TNRC6B: variants seen among roughly 807,000 people sequenced by gnomAD.
TNRC6B encodes the protein trinucleotide repeat containing adaptor 6B.
A neutral mutation model predicts 203.6 loss-of-function variants in TNRC6B; 52 were observed. That is an observed-to-expected ratio of 0.26 (90% CI 0.20 to 0.32). The LOEUF is 0.32. Ranked by LOEUF, TNRC6B falls within the 10% of genes least tolerant of loss-of-function variation. The pLI is 1.00. For missense variants in TNRC6B, 1,923 were observed against 2,286.2 expected, an observed-to-expected ratio of 0.84 and a Z score of 3.24; for synonymous variants, 838 against 845.7, an observed-to-expected ratio of 0.99 and a Z score of 0.16.
intron 1 of TNRC6B, among the ~76,000 whole-genome samples, chr22:40,188,802 G>T (rs1043551394): frequency 6.6e-6 from 1 of 152,164 alleles, no homozygotes. Flanking sequence ...ACATGTGAAT[G>T]TTTATGCTGA....
At chr22:40,113,201 T>C (rs936342864) in intron 1 of TNRC6B, among the ~76,000 whole-genome samples, 23 of 152,198 alleles carry the variant, frequency 1.5e-4, no homozygotes, top group Non-Finnish European at 2.5e-4. Context: ...TTTTTAGGAA[T>C]GGACAGACAG....
At chr22:40,185,981 A>G (rs979102386) in intron 1 of TNRC6B, among the ~76,000 whole-genome samples, 5 of 152,164 alleles carry the variant, frequency 3.3e-5, no homozygotes, top group African/African-American at 9.7e-5. Flanking sequence ...GGACTTGGCA[A>G]TGGAACTGGT....
chr22:40,058,770 A>G (rs1435822937), intron 1 of TNRC6B, among the ~76,000 whole-genome samples: 2 of 151,986 alleles, frequency 1.3e-5, no homozygotes, highest in East Asian at 3.9e-4. Context: ...ATTCTGACAC[A>G]TTGAATCTGG....
intron 3 of TNRC6B, chr22:40,125,982 CTAACA>C (rs2068489548): frequency 1.2e-5 from 12 of 970,946 alleles, no homozygotes; most frequent in East Asian, 2.8e-5. Flanking sequence ...AAATTAGAAC[CTAACA>C]TAAGATTGAG....
rs936374925 is a variant in TNRC6B at position 40,281,263 on chromosome 22, A to C, written c.3556A>C (p.Asn1186His). 1.2e-5 allele frequency: 19 copies of C among 1,546,464 alleles called. No homozygotes were observed. Among genetic ancestry groups the C allele is most frequent in the Non-Finnish European group, 1.6e-5 (18 of 1,144,774 alleles). ...VSLGAIGTGL[N>H]PQNFAARQGG... ...CCTTGGAGCAATCGGCACAGGGCTC[A>C]ACCCCCAAAACTTCGCTGCTAGACA... The change falls in exon 11 of 23, where the codon AAC becomes CAC. Residue 1186 changes from asparagine (N) to histidine (H), a missense_variant. Coordinates refer to ENST00000454349, the MANE Select transcript of TNRC6B (RefSeq NM_001162501.2).
intron 1 of TNRC6B, among the ~76,000 whole-genome samples, chr22:40,099,253 C>G (rs1416964579): frequency 1.5e-5 from 2 of 132,014 alleles, no homozygotes; most frequent in African/African-American, 6.5e-5. Flanking sequence ...GACTCTGTCT[C>G]GAAAAAAAAA....
At chr22:40,235,219 A>C (rs796837372) in intron 1 of TNRC6B, among the ~76,000 whole-genome samples, 4 of 152,322 alleles carry the variant, frequency 2.6e-5, no homozygotes, top group African/African-American at 9.6e-5. Context: ...GTGCATTTTG[A>C]AAACCCCTAT....
intron 1 of TNRC6B, among the ~76,000 whole-genome samples, chr22:40,101,420 A>G (rs1253654328): frequency 6.6e-6 from 1 of 152,170 alleles, no homozygotes; most frequent in Non-Finnish European, 1.5e-5. Flanking sequence ...TAAGGTCTGA[A>G]TATTCACATT....
rs2071206762 is a variant in TNRC6B at position 40,312,991 on chromosome 22, A to G, written c.4672A>G (p.Thr1558Ala). The G allele has an allele frequency of 1.2e-6, 2 of 1,612,700 alleles. No individual in the cohort carries two copies. Among genetic ancestry groups the G allele is most frequent in the East Asian group, 2.2e-5 (1 of 44,866 alleles). The change falls in exon 19 of 23, where the codon ACT (threonine) becomes GCT (alanine). Residue 1558 changes from threonine to alanine, a missense_variant. Thr to Ala is a moderately conservative substitution (Grantham distance 58). Around this residue, in one of 8 missense-constraint regions of TNRC6B, gnomAD observed 159 missense variants for 181.0 expected, o/e 0.88. Coordinates refer to ENST00000454349, the MANE Select transcript of TNRC6B (RefSeq NM_001162501.2). ...CAACTCCTTTACCAACGTTCATAGC[A>G]CTTCAGGTATGAGTGTGAATTTTTT... ...SDNSFTNVHSTSAKFPDYKST... is the reference protein window; with the variant it reads ...SDNSFTNVHSASAKFPDYKST...
Position 40,177,993 on chromosome 22 carries a change from G to A in TNRC6B, c.-143G>A. On this transcript the variant is annotated 5_prime_UTR_variant, in exon 1 of 23. Coordinates refer to ENST00000454349, the MANE Select transcript of TNRC6B (RefSeq NM_001162501.2). ...GAGAGAGTTAGTTCAAGCCAAAATGGCCGACAGAGTCTCTGCTGGTTTCTG... is the reference window on the plus strand; with the variant it reads ...GAGAGAGTTAGTTCAAGCCAAAATGACCGACAGAGTCTCTGCTGGTTTCTG... 1 of 1,509,154 alleles carries A rather than the reference G, an allele frequency of 6.6e-7. No individual in the cohort carries two copies. The highest frequency in any genetic ancestry group is 1.3e-5 in the South Asian group (1 of 75,100). 93.5% of individuals were successfully genotyped at this position (1,509,154 alleles called of 1,614,324 possible).
Position 40,262,140 on chromosome 22 carries a change from G to A in TNRC6B, c.424G>A (p.Ala142Thr). Reference sequence around the variant, plus strand: ...CCCAAACAACGCACAAGTGACAGGAGCGCTGCTGCAGAGTGAGAGTGGGAC... The same window carrying A: ...CCCAAACAACGCACAAGTGACAGGAACGCTGCTGCAGAGTGAGAGTGGGAC... ...ANPNNAQVTG[A>T]LLQSESGTAP... is the part of the protein sequence containing the mutation. Residue 142 changes from alanine to threonine, a missense_variant, in exon 4 of 23, where the codon GCG becomes ACG. Physicochemically the swap from Ala to Thr is moderately conservative, Grantham distance 58. This residue lies in a region of TNRC6B where 614 missense variants were observed against 587.7 expected (regional missense o/e 1.04). Coordinates refer to ENST00000454349, the MANE Select transcript of TNRC6B (RefSeq NM_001162501.2). 1 of 1,480,734 alleles carries A rather than the reference G, an allele frequency of 6.8e-7. No homozygotes were observed. Among genetic ancestry groups the A allele is most frequent in the Non-Finnish European group, 9.1e-7 (1 of 1,096,790 alleles). The allele number at this position is 1,480,734 out of a possible 1,614,324, so 91.7% of individuals were successfully genotyped here.
chr22:40,164,254 G>A (rs895480398), intron 4 of TNRC6B, among the ~76,000 whole-genome samples: 2 of 151,238 alleles, frequency 1.3e-5, no homozygotes, highest in African/African-American at 4.9e-5. Context: ...CAGGTGTGGT[G>A]GTGGGCTCCT....
chr22:40,170,006 A>T (rs1215804682), intron 4 of TNRC6B, among the ~76,000 whole-genome samples: 4 of 151,910 alleles, frequency 2.6e-5, no homozygotes, highest in Non-Finnish European at 5.9e-5. Flanking sequence ...GGGGCTGGGC[A>T]TGGTGACTTA....
intron 1 of TNRC6B, among the ~76,000 whole-genome samples, chr22:40,049,314 G>A (rs1301261393): frequency 2.0e-5 from 3 of 151,840 alleles, no homozygotes; most frequent in African/African-American, 7.3e-5. Context: ...ATGAGCCACC[G>A]TGCCCAGTCA....
Position 40,323,099 on chromosome 22 carries a change from T to A in TNRC6B, c.5360T>A (p.Leu1787His). 6.2e-7 allele frequency: 1 copy of A among 1,610,546 alleles called. No homozygotes were observed. The highest frequency in any genetic ancestry group is 8.5e-7 in the Non-Finnish European group (1 of 1,178,256). The change falls in exon 23 of 23, where the codon CTT becomes CAT. Residue 1787 changes from leucine to histidine, a missense_variant. Leu to His is a moderately conservative substitution (Grantham distance 99). Transcript: ENST00000454349. ...GCTGGTGGCAGCAGCGGGGCCGATCTTGCTGGCGCTTCATTGTGGGGGCCC... is the reference window on the plus strand; with the variant it reads ...GCTGGTGGCAGCAGCGGGGCCGATCATGCTGGCGCTTCATTGTGGGGGCCC... ...SSAGGSSGAD[L>H]AGASLWGPPN...
At chr22:40,289,618 C>T (rs1213553281) in intron 12 of TNRC6B, among the ~76,000 whole-genome samples, 1 of 152,172 alleles carries the variant, frequency 6.6e-6, no homozygotes. Context: ...TCTCCATCTC[C>T]TTTACGAGTT....
chr22:40,078,800 G>A (rs1458661126), intron 1 of TNRC6B, among the ~76,000 whole-genome samples: 3 of 151,768 alleles, frequency 2.0e-5, no homozygotes, highest in Admixed American at 2.0e-4. Context: ...TTTGCCAGGT[G>A]CGGTGGCTCG....
At position 40,265,457 on chromosome 22, in the gene TNRC6B, C is replaced by T; in HGVS notation, c.1227C>T (p.Ala409=). Residue 409 remains alanine (A), a synonymous_variant, in exon 5 of 23, where the codon GCC becomes GCT. Coordinates refer to ENST00000454349, the MANE Select transcript of TNRC6B (RefSeq NM_001162501.2). The part of the protein sequence containing the change: ...GLGNTSRSTD[A]PSQSTGDRKT... Reference sequence around the variant, plus strand: ...GGAACACCTCCAGGAGCACTGATGCCCCTTCACAAAGCACTGGAGATCGAA... The same window carrying T: ...GGAACACCTCCAGGAGCACTGATGCTCCTTCACAAAGCACTGGAGATCGAA... 1 of 1,613,980 alleles carries T rather than the reference C, an allele frequency of 6.2e-7. No individual in the cohort carries two copies. The highest frequency in any genetic ancestry group is 8.5e-7 in the Non-Finnish European group (1 of 1,179,892).
At chr22:40,281,049 T>C (rs970142023) in intron 10 of TNRC6B, 70 bp from the exon 11 acceptor site, 134 of 1,299,854 alleles carry the variant, frequency 1.0e-4, no homozygotes, top group Non-Finnish European at 1.4e-4. Context: ...TTCTCTCTTT[T>C]CCCTTCTTGC....
Sources: gnomAD v4.1 joint callset for allele counts (sites outside exome capture counted in the v4.1 genomes callset) on GRCh38, gnomAD v4.1.1 for gene constraint, gnomAD v4.1.1 regional missense constraint, MANE v1.5 for transcripts, NCBI Gene and HGNC (gene_info 2026-07-23, HGNC 2026-07-21) for gene names.